The following PTPRD variants were observed in gnomAD, a reference collection of about 807,000 sequenced individuals.
PTPRD encodes the protein protein tyrosine phosphatase receptor type D.
Under a neutral mutation model 214.5 loss-of-function variants are expected in PTPRD, and 34 were observed. The observed-to-expected ratio is 0.16, with a 90% CI of 0.12 to 0.21. PTPRD has a LOEUF of 0.21. PTPRD is among the 10% of genes least tolerant of loss of function. PTPRD has a pLI of 1.00. For synonymous variants in PTPRD, 1,128 were observed against 845.7 expected (o/e 1.33, Z -5.79); for missense variants, 2,545 against 2,398.7 (o/e 1.06, Z -1.27).
At chr9:8,551,517 T>C (rs535575514) in intron 14 of PTPRD, among the ~76,000 whole-genome samples, 25 of 152,318 alleles carry the variant, frequency 1.6e-4, no homozygotes, top group Admixed American at 2.0e-4. Context: ...CGAAGGCTAA[T>C]AGTTCTTAAC....
chr9:9,960,104 G>C (rs1423231240), intron 4 of PTPRD, among the ~76,000 whole-genome samples: 1 of 151,708 alleles, frequency 6.6e-6, no homozygotes, highest in Non-Finnish European at 1.5e-5. Flanking sequence ...ACTGACTCTA[G>C]GTCTGAGGCA....
intron 9 of PTPRD, among the ~76,000 whole-genome samples, chr9:9,317,207 A>T (rs1006244504): frequency 6.6e-6 from 1 of 152,118 alleles, no homozygotes; most frequent in African/African-American, 2.4e-5. Flanking sequence ...CTCTGCTCAC[A>T]CTACAGGCTT....
At chr9:10,271,612 G>A (rs1052121393) in intron 3 of PTPRD, among the ~76,000 whole-genome samples, 93 of 144,638 alleles carry the variant, frequency 6.4e-4, no homozygotes, top group African/African-American at 2.1e-3. Context: ...GAATAATCTC[G>A]GCTCACTGCA....
intron 9 of PTPRD, among the ~76,000 whole-genome samples, chr9:9,289,707 C>T (rs961465573): frequency 2.0e-5 from 3 of 151,704 alleles, no homozygotes; most frequent in African/African-American, 7.2e-5. Context: ...TGAGATCACA[C>T]AGTATTTTTC....
At chr9:8,938,832 G>C (rs1009742781) in intron 11 of PTPRD, among the ~76,000 whole-genome samples, 2 of 152,184 alleles carry the variant, frequency 1.3e-5, no homozygotes, top group African/African-American at 2.4e-5. Flanking sequence ...TTTCAGTAAA[G>C]ACATTAGCTT....
intron 11 of PTPRD, among the ~76,000 whole-genome samples, chr9:8,852,010 T>A (rs2097825961): frequency 6.6e-6 from 1 of 151,926 alleles, no homozygotes; most frequent in South Asian, 2.1e-4. Context: ...ATGAAATCAT[T>A]ACTAATACAA....
At chr9:10,121,092 T>A (rs1441255154) in intron 3 of PTPRD, among the ~76,000 whole-genome samples, 3 of 152,206 alleles carry the variant, frequency 2.0e-5, no homozygotes, top group African/African-American at 7.2e-5. Context: ...GTTTTTAAAA[T>A]ACCTTTAATA....
intron 4 of PTPRD, among the ~76,000 whole-genome samples, chr9:9,941,751 G>A (rs1385732992): frequency 6.6e-6 from 1 of 152,122 alleles, no homozygotes; most frequent in East Asian, 1.9e-4. Context: ...CAACTCTGAA[G>A]AAGAGGTCCC....
At chr9:10,030,638 G>A (rs1272388157) in intron 4 of PTPRD, among the ~76,000 whole-genome samples, 1 of 152,180 alleles carries the variant, frequency 6.6e-6, no homozygotes, top group East Asian at 1.9e-4. Context: ...AAATATATGA[G>A]GGGCCTGGTG....
chr9:8,605,319 G>A (rs2095141056), intron 14 of PTPRD, among the ~76,000 whole-genome samples: 1 of 152,160 alleles, frequency 6.6e-6, no homozygotes, highest in African/African-American at 2.4e-5. Flanking sequence ...TAGGTTTAAT[G>A]GGTTGTGAAT....
chr9:10,221,344 A>C (rs2099570477), intron 3 of PTPRD, among the ~76,000 whole-genome samples: 1 of 152,022 alleles, frequency 6.6e-6, no homozygotes, highest in South Asian at 2.1e-4. Flanking sequence ...CATACTCGAT[A>C]TCATTTTTAT....
chr9:8,896,411 T>C (rs1447292253), intron 11 of PTPRD, among the ~76,000 whole-genome samples: 4 of 152,084 alleles, frequency 2.6e-5, no homozygotes, highest in East Asian at 1.9e-4. Flanking sequence ...GAAACTAATA[T>C]AGATGGCAGA....
intron 5 of PTPRD, among the ~76,000 whole-genome samples, chr9:9,916,090 A>G (rs1364880454): frequency 6.6e-6 from 1 of 150,464 alleles, no homozygotes; most frequent in East Asian, 2.0e-4. Context: ...TAAAAAAAAA[A>G]AAACAAAAAA....
At chr9:9,965,207 A>G (rs2094602154) in intron 4 of PTPRD, among the ~76,000 whole-genome samples, 1 of 152,188 alleles carries the variant, frequency 6.6e-6, no homozygotes, top group African/African-American at 2.4e-5. Context: ...CCATAGAATC[A>G]TGAAAAATAA....
intron 35 of PTPRD, among the ~76,000 whole-genome samples, chr9:8,416,593 T>G (rs10977071): frequency 2.6e-5 from 4 of 152,000 alleles, no homozygotes; most frequent in Non-Finnish European, 5.9e-5. Flanking sequence ...CATAGAAAAT[T>G]TTTCAGCTGG....
At chr9:9,958,623 G>A (rs928262049) in intron 4 of PTPRD, among the ~76,000 whole-genome samples, 1 of 152,036 alleles carries the variant, frequency 6.6e-6, no homozygotes, top group African/African-American at 2.4e-5. Context: ...AGAAATAGTT[G>A]GGTAATTTAT....
intron 14 of PTPRD, among the ~76,000 whole-genome samples, chr9:8,547,820 TTTACA>T (rs1335434004): frequency 6.6e-6 from 1 of 152,182 alleles, no homozygotes; most frequent in Non-Finnish European, 1.5e-5. Context: ...AAAGCACATG[TTTACA>T]TTACTTGCAG....
intron 3 of PTPRD, among the ~76,000 whole-genome samples, chr9:10,288,507 G>A (rs973962160): frequency 1.3e-5 from 2 of 152,150 alleles, no homozygotes; most frequent in East Asian, 1.9e-4. Flanking sequence ...TATAGGTCAA[G>A]TATAGCATGA....
intron 6 of PTPRD, among the ~76,000 whole-genome samples, chr9:9,750,502 A>T (rs2098506251): frequency 6.6e-6 from 1 of 152,066 alleles, no homozygotes; most frequent in Admixed American, 6.6e-5. Context: ...CTGCACCAAG[A>T]CTTCTACTTA....
Sources: allele counts gnomAD v4.1 joint callset (sites outside exome capture counted in the v4.1 genomes callset), GRCh38; gene constraint gnomAD v4.1.1; transcripts MANE v1.5; gene names NCBI Gene and HGNC (gene_info 2026-07-23, HGNC 2026-07-21).